The following NDUFS1 variants were observed in gnomAD, a reference collection of about 807,000 sequenced individuals.
NDUFS1 encodes NADH-ubiquinone oxidoreductase 75 kDa subunit, mitochondrial.
Under a neutral mutation model 84.4 loss-of-function variants are expected in NDUFS1, and 61 were observed. The ratio of observed to expected loss-of-function variants is 0.72; its 90% CI spans 0.59 to 0.89. NDUFS1 has a LOEUF of 0.89. Ranked by LOEUF, NDUFS1 falls within the 40% of genes least tolerant of loss-of-function variation. The pLI is 0.00. For missense variants in NDUFS1, 891 were observed against 890.0 expected (o/e 1.00, Z -0.01); for synonymous variants, 275 against 290.0 (o/e 0.95, Z 0.53).
At chr2:206,138,452 C>A in intron 13 of NDUFS1, 33 bp downstream of exon 13, 1 of 1,596,268 alleles carries the variant, frequency 6.3e-7, no homozygotes, top group South Asian at 1.1e-5. Context: ...AATTAAAAAT[C>A]AACAAGAGTA....
chr2:206,124,383 C>T, intron 18 of NDUFS1, 107 bp from the exon 19 acceptor site: 1 of 807,624 alleles, frequency 1.2e-6, no homozygotes, highest in Non-Finnish European at 2.1e-6. Flanking sequence ...TTATAAGGCC[C>T]TATGCAAGTA....
In NDUFS1 at chr2:206,144,984, A is replaced by G. The variant is rs1236405276; in HGVS notation, c.780T>C (p.Asn260=). The part of the protein sequence containing the change: ...SIDVMDAVGS[N]IVVSTRTGEV... The stretch of plus-strand genomic sequence containing the variant: ...CTCCAGTTCTTGTGCTAACCACAAT[A>G]TTACTTCCAACCGCATCCATTACAT... The change falls in exon 9 of 19, where the codon AAT becomes AAC. Residue 260 remains asparagine (N), a synonymous_variant. Transcript: ENST00000233190. 5 of 1,613,904 alleles carry G rather than the reference A, an allele frequency of 3.1e-6. No individual in the cohort carries two copies. In the Admixed American group the frequency reaches 8.3e-5, roughly 27 times the overall value.
intron 15 of NDUFS1, among the ~76,000 whole-genome samples, chr2:206,128,641 G>T (rs918376525): frequency 6.6e-6 from 1 of 151,748 alleles, no homozygotes; most frequent in Admixed American, 6.6e-5. Flanking sequence ...TTAGCCCAAT[G>T]TGGTGGTGTG....
chr2:206,136,329 G>C (rs1361642535), intron 13 of NDUFS1, among the ~76,000 whole-genome samples: 1 of 151,478 alleles, frequency 6.6e-6, no homozygotes, highest in African/African-American at 2.4e-5. Context: ...TGGAATTACA[G>C]GCATGAGCCA....
chr2:206,121,405 T>A lies in NDUFS1; in HGVS notation c.*2780A>T, dbSNP rs978870805. 2.0e-5 allele frequency: 3 copies of A among 152,218 alleles called. No individual in the cohort carries two copies. The highest frequency in any genetic ancestry group is 7.2e-5 in the African/African-American group (3 of 41,452). 9.4% of individuals were successfully genotyped at this position (152,218 alleles called of 1,614,324 possible). On this transcript the variant is annotated 3_prime_UTR_variant, in exon 19 of 19. Coordinates refer to ENST00000233190, the MANE Select transcript of NDUFS1 (RefSeq NM_005006.7). The stretch of plus-strand genomic sequence containing the variant: ...GCATTACGACACTAATATGTGCCCA[T>A]GAGACAGACGGAGCACTACTTATCC...
intron 4 of NDUFS1, among the ~76,000 whole-genome samples, chr2:206,149,403 T>C (rs1021788531): frequency 3.9e-5 from 6 of 152,146 alleles, no homozygotes; most frequent in Non-Finnish European, 7.3e-5. Flanking sequence ...GCAGGCACTA[T>C]TGAATAAAAA....
At chr2:206,154,865 C>T (rs545072499) in intron 1 of NDUFS1, among the ~76,000 whole-genome samples, 8 of 151,734 alleles carry the variant, frequency 5.3e-5, no homozygotes, top group African/African-American at 7.2e-5. Flanking sequence ...CTTCATGATC[C>T]GCCCACCTTG....
Position 206,116,053 on chromosome 2 carries a change from T to A in NDUFS1, c.*8132A>T. On this transcript the variant is annotated 3_prime_UTR_variant, in exon 19 of 19. Transcript: ENST00000233190. ...CTAAGTCTTCTATCCACCACTAATT[T>A]AGGACAACTCTGCTGGGTTGCGTTA... is the stretch of plus-strand genomic sequence containing the variant. 1.1e-6 allele frequency: 1 copy of A among 905,456 alleles called. No homozygotes were observed. The highest frequency in any genetic ancestry group is 1.7e-5 in the Admixed American group (1 of 59,020). The allele number at this position is 905,456 out of a possible 1,614,324, so 56.1% of individuals were successfully genotyped here.
At position 206,131,101 on chromosome 2, in the gene NDUFS1, C is replaced by G. The variant is rs146270993; in HGVS notation, c.1554-859G>C. Among the ~76,000 whole-genome samples, 1,461 of 152,210 alleles carry G rather than the reference C, an allele frequency of 9.6e-3. 27 individuals are homozygous for G. Among genetic ancestry groups the G allele is most frequent in the African/African-American group, 0.033 (1,388 of 41,526 alleles). ...TAGCAGGGTTGTTGTTTTGGTTTAGCTTGGTATTTGTTAACTATCTAGAAA... is the reference window on the plus strand; with the variant it reads ...TAGCAGGGTTGTTGTTTTGGTTTAGGTTGGTATTTGTTAACTATCTAGAAA... On this transcript the variant is annotated intron_variant, in intron 14 of 18. Coordinates refer to ENST00000233190, the MANE Select transcript of NDUFS1 (RefSeq NM_005006.7).
At chr2:206,127,405 C>A (rs1691334665) in intron 16 of NDUFS1, among the ~76,000 whole-genome samples, 1 of 152,154 alleles carries the variant, frequency 6.6e-6, no homozygotes, top group African/African-American at 2.4e-5. Flanking sequence ...CTTGGTGGTA[C>A]ATGCGTGTAA....
intron 3 of NDUFS1, among the ~76,000 whole-genome samples, chr2:206,151,477 A>T (rs977894358): frequency 2.0e-5 from 3 of 151,826 alleles, no homozygotes; most frequent in Non-Finnish European, 4.4e-5. Flanking sequence ...TCTTTCTACT[A>T]CCTCCTATCC....
In NDUFS1 at chr2:206,123,697, A is replaced by G. The variant is rs1691172858; in HGVS notation, c.*488T>C. The G allele has an allele frequency of 6.4e-6, 1 of 155,352 alleles. No individual in the cohort carries two copies. 9.6% of individuals were successfully genotyped at this position (155,352 alleles called of 1,614,324 possible). A position where few individuals can be genotyped will look rare whatever the true frequency, so the allele number is the denominator to read the frequency against. On this transcript the variant is annotated 3_prime_UTR_variant, in exon 19 of 19. Transcript: ENST00000233190. ...TGCTTAGCACATATAATAAAGCTAA[A>G]TTATCATTAGCCATTGTTACTATGA...
Position 206,127,903 on chromosome 2 carries a change from G to C in NDUFS1, c.1778C>G (p.Ser593Cys), listed in dbSNP as rs748911049. ...ILPGAAYTEK[S>C]ATYVNTEGRA... Reference sequence around the variant, plus strand: ...ACCCTCAGTGTTGACATATGTAGCAGACTTCTCTGTGTAAGCAGCTCCTGG... The same window carrying C: ...ACCCTCAGTGTTGACATATGTAGCACACTTCTCTGTGTAAGCAGCTCCTGG... The change falls in exon 16 of 19, where the codon TCT becomes TGT. Residue 593 changes from serine to cysteine, a missense_variant. Coordinates refer to ENST00000233190, the MANE Select transcript of NDUFS1 (RefSeq NM_005006.7). The C allele has an allele frequency of 1.2e-6, 2 of 1,614,150 alleles. No individual in the cohort carries two copies. The highest frequency in any genetic ancestry group is 2.2e-5 in the South Asian group (2 of 91,076).
At position 206,118,858 on chromosome 2, in the gene NDUFS1, CG is replaced by C. The variant is rs1691020870; in HGVS notation, c.*5326del. On this transcript the variant is annotated 3_prime_UTR_variant, in exon 19 of 19. Coordinates refer to ENST00000233190, the MANE Select transcript of NDUFS1 (RefSeq NM_005006.7). ...ATCCCAGCACTCTGGGAGGTTGAGG[CG>C]GGTGGATCACCTGAGGTCAGGAGTT... is the stretch of plus-strand genomic sequence containing the variant. 6.6e-6 allele frequency: 1 copy of C among 152,264 alleles called. No homozygotes were observed. The highest frequency in any genetic ancestry group is 1.9e-4 in the East Asian group (1 of 5,158). 9.4% of individuals were successfully genotyped at this position (152,264 alleles called of 1,614,324 possible).
At chr2:206,154,253 T>C (rs957263446) in intron 1 of NDUFS1, among the ~76,000 whole-genome samples, 1 of 152,236 alleles carries the variant, frequency 6.6e-6, no homozygotes, top group Admixed American at 6.5e-5. Context: ...ACTGCATTAA[T>C]TCCTTGAATT....
chr2:206,128,060 C>G, intron 15 of NDUFS1, 88 bp from the exon 16 acceptor site: 2 of 1,422,278 alleles, frequency 1.4e-6, no homozygotes, highest in South Asian at 1.2e-5. Flanking sequence ...CATTTTAAAT[C>G]CCATTTTGTA....
At position 206,153,523 on chromosome 2, in the gene NDUFS1, T is replaced by A. The variant is rs983664208; in HGVS notation, c.61+95A>T. On this transcript the variant is annotated intron_variant, in intron 2 of 18. Transcript: ENST00000233190. ...TTTCTATTTTTATTTTAAAAAATCA[T>A]GGGTTTAGGGTCTTTGATAAACTAT... 16 of 746,718 alleles carry A rather than the reference T, an allele frequency of 2.1e-5. No homozygotes were observed. The African/African-American group carries it at 2.2e-4, about 10-fold the overall frequency. 46.3% of individuals were successfully genotyped at this position (746,718 alleles called of 1,614,324 possible). A position where few individuals can be genotyped will look rare whatever the true frequency, so the allele number is the denominator to read the frequency against.
chr2:206,128,009 T>C, intron 15 of NDUFS1, 37 bp from the exon 16 acceptor site: 1 of 1,602,834 alleles, frequency 6.2e-7, no homozygotes, highest in Non-Finnish European at 8.5e-7. Flanking sequence ...CAAAATTTTA[T>C]TAAAAACTGA....
intron 12 of NDUFS1, among the ~76,000 whole-genome samples, chr2:206,140,930 A>ATATATATATATACACACACACATATACAC (rs1553505251): frequency 7.4e-6 from 1 of 134,734 alleles, no homozygotes; most frequent in African/African-American, 3.0e-5. Context: ...GTGTATATAT[A>ATATATATATATACACACACACATATACAC]TATATATATA....
Sources: allele counts gnomAD v4.1 joint callset (sites outside exome capture counted in the v4.1 genomes callset), GRCh38; gene constraint gnomAD v4.1.1; transcripts MANE v1.5; gene names NCBI Gene and HGNC (gene_info 2026-07-23, HGNC 2026-07-21).